Variants in DLC1 observed in about 807,000 individuals in gnomAD.
DLC1 encodes rho GTPase-activating protein 7.
DLC1 carries 54 observed loss-of-function variants against 140.3 expected under a neutral mutation model. That is an observed-to-expected ratio of 0.38 (90% CI 0.31 to 0.48). The LOEUF (loss-of-function observed/expected upper bound fraction) is 0.48. Ranked by LOEUF, DLC1 falls within the 20% of genes least tolerant of loss-of-function variation. DLC1 has a pLI of 0.96. For missense variants in DLC1, 2,536 were observed against 1,907.0 expected, an observed-to-expected ratio of 1.33 and a Z score of -6.14; for synonymous variants, 986 against 728.1, an observed-to-expected ratio of 1.35 and a Z score of -5.70.
rs548004208 is a variant in DLC1 at position 13,350,482 on chromosome 8, G to A, written c.1314+43071C>T. ...TGTAATCTCAGCACTTTGGAAAGCC[G>A]AGGCAGGTGGATCGCTTGAGGTCAG... On this transcript the variant is annotated intron_variant, in intron 4 of 17. Transcript: ENST00000276297. Among the ~76,000 whole-genome samples, 74 of 152,238 alleles carry A rather than the reference G, an allele frequency of 4.9e-4. No individual in the cohort carries two copies. In the South Asian group the frequency reaches 5.4e-3, roughly 11 times the overall value.
intron 1 of DLC1, among the ~76,000 whole-genome samples, chr8:13,596,120 T>C (rs1805672726): frequency 6.6e-6 from 1 of 152,044 alleles, no homozygotes; most frequent in African/African-American, 2.4e-5. Flanking sequence ...AAGAGTGATG[T>C]AGAGAGAGTT....
At chr8:13,231,190 C>T (rs1377155532) in intron 5 of DLC1, among the ~76,000 whole-genome samples, 2 of 151,540 alleles carry the variant, frequency 1.3e-5, no homozygotes, top group Non-Finnish European at 2.9e-5. Flanking sequence ...TTCTAGGCCT[C>T]AATGCCTTTT....
intron 2 of DLC1, among the ~76,000 whole-genome samples, chr8:13,433,767 A>G (rs547355665): frequency 3.5e-4 from 54 of 152,324 alleles, no homozygotes; most frequent in African/African-American, 1.3e-3. Context: ...AAATGGCAAC[A>G]ATTTTTTCCA....
intron 2 of DLC1, among the ~76,000 whole-genome samples, chr8:13,482,638 T>A (rs760006684): frequency 2.6e-5 from 4 of 152,212 alleles, no homozygotes; most frequent in Non-Finnish European, 4.4e-5. Flanking sequence ...TATTAGCATT[T>A]CTTGAGAGAT....
At chr8:13,325,927 A>G (rs944147616) in intron 4 of DLC1, among the ~76,000 whole-genome samples, 1 of 152,260 alleles carries the variant, frequency 6.6e-6, no homozygotes, top group Non-Finnish European at 1.5e-5. Context: ...CCATATGATT[A>G]TAATGGAGCA....
intron 2 of DLC1, among the ~76,000 whole-genome samples, chr8:13,494,675 G>A (rs1482810304): frequency 1.3e-5 from 2 of 152,132 alleles, no homozygotes; most frequent in African/African-American, 4.8e-5. Context: ...TATAGGCCGG[G>A]CACAGTGGCT....
At chr8:13,461,170 A>G (rs1299199629) in intron 2 of DLC1, among the ~76,000 whole-genome samples, 1 of 152,254 alleles carries the variant, frequency 6.6e-6, no homozygotes, top group African/African-American at 2.4e-5. Context: ...TGATGGTGCG[A>G]GTGCACCCCA....
At chr8:13,154,256 G>A (rs1421387040) in intron 5 of DLC1, among the ~76,000 whole-genome samples, 1 of 152,248 alleles carries the variant, frequency 6.6e-6, no homozygotes, top group African/African-American at 2.4e-5. Context: ...GCAGCGGGAG[G>A]CACCCATCAG....
intron 5 of DLC1, among the ~76,000 whole-genome samples, chr8:13,178,344 C>T (rs930379838): frequency 7.2e-5 from 11 of 151,978 alleles, no homozygotes; most frequent in Non-Finnish European, 1.0e-4. Flanking sequence ...GGGCGGATCA[C>T]GAGGTCAGGA....
chr8:13,539,589 C>T (rs17094556), intron 1 of DLC1, among the ~76,000 whole-genome samples: 24,391 of 152,082 alleles, frequency 0.16, 2,058 homozygotes, highest in East Asian at 0.22. Flanking sequence ...TTCCAATCTA[C>T]CCCTTGAGGC....
At chr8:13,418,678 G>A (rs914867164) in intron 2 of DLC1, among the ~76,000 whole-genome samples, 9 of 152,150 alleles carry the variant, frequency 5.9e-5, no homozygotes, top group Admixed American at 5.2e-4. Context: ...TTTGGCTTAG[G>A]ATTGACTTGG....
Position 13,106,151 on chromosome 8 carries a change from G to C in DLC1, c.1503-3298C>G, listed in dbSNP as rs114083908. Reference sequence around the variant, plus strand: ...AAGAGCTTCTCTGCATGGAGCTGCAGGAACCCAGATAAAAGCACAGCAGGT... The same window carrying C: ...AAGAGCTTCTCTGCATGGAGCTGCACGAACCCAGATAAAAGCACAGCAGGT... On this transcript the variant is annotated intron_variant, in intron 7 of 17. Transcript: ENST00000276297. Among the ~76,000 whole-genome samples the C allele has an allele frequency of 9.7e-3, 1,479 of 152,270 alleles. 28 individuals carry two copies. The highest frequency in any genetic ancestry group is 0.034 in the African/African-American group (1,411 of 41,564).
chr8:13,227,628 C>T (rs1828858687), intron 5 of DLC1, among the ~76,000 whole-genome samples: 1 of 152,188 alleles, frequency 6.6e-6, no homozygotes, highest in African/African-American at 2.4e-5. Flanking sequence ...TCGACCCCTT[C>T]ACTAATTTAC....
intron 5 of DLC1, among the ~76,000 whole-genome samples, chr8:13,189,340 C>T (rs1314410102): frequency 1.3e-5 from 2 of 152,164 alleles, no homozygotes; most frequent in African/African-American, 2.4e-5. Context: ...GTGCTGGGTG[C>T]TGTGGCTCAC....
intron 1 of DLC1, among the ~76,000 whole-genome samples, chr8:13,509,091 A>G (rs1802241332): frequency 6.6e-6 from 1 of 152,334 alleles, no homozygotes; most frequent in Middle Eastern, 3.4e-3. Flanking sequence ...GCTGTATTAT[A>G]AAAAGATATT....
intron 1 of DLC1, among the ~76,000 whole-genome samples, chr8:13,547,892 T>A (rs1418947577): frequency 0.022 from 2 of 92 alleles, no homozygotes; most frequent in Non-Finnish European, 0.036. Flanking sequence ...TTTCTTGGAA[T>A]CTCTCTTTTT....
At chr8:13,351,645 C>T (rs1053095778) in intron 4 of DLC1, among the ~76,000 whole-genome samples, 1 of 152,138 alleles carries the variant, frequency 6.6e-6, no homozygotes, top group Non-Finnish European at 1.5e-5. Flanking sequence ...GTTTATGTGA[C>T]GTCTGCACTA....
At chr8:13,520,785 T>C (rs1339911653) in intron 1 of DLC1, among the ~76,000 whole-genome samples, 1 of 151,842 alleles carries the variant, frequency 6.6e-6, no homozygotes, top group Non-Finnish European at 1.5e-5. Context: ...TTTAGAGAGG[T>C]CTGTGTGTGC....
intron 5 of DLC1, among the ~76,000 whole-genome samples, chr8:13,231,600 C>T (rs973519768): frequency 6.6e-6 from 1 of 152,204 alleles, no homozygotes; most frequent in Non-Finnish European, 1.5e-5. Flanking sequence ...GTCTACAATT[C>T]TACATATTCT....
Sources: gnomAD v4.1 joint callset for allele counts (sites outside exome capture counted in the v4.1 genomes callset) on GRCh38, gnomAD v4.1.1 for gene constraint, MANE v1.5 for transcripts, NCBI Gene and HGNC (gene_info 2026-07-23, HGNC 2026-07-21) for gene names.